SLC4A2: variants seen among roughly 807,000 people sequenced by gnomAD.
SLC4A2 encodes anion exchange protein 2.
SLC4A2 carries 36 observed loss-of-function variants against 115.0 expected under a neutral mutation model. The observed-to-expected ratio is 0.31, with a 90% CI of 0.24 to 0.41. The LOEUF (loss-of-function observed/expected upper bound fraction) is 0.41, where lower values mean the gene tolerates loss of function less well. SLC4A2 is among the 10% of genes least tolerant of loss of function. The pLI is 1.00. For missense variants in SLC4A2, 1,252 were observed against 1,705.6 expected, an observed-to-expected ratio of 0.73 and a Z score of 4.68; for synonymous variants, 708 against 708.3, an observed-to-expected ratio of 1.00 and a Z score of 0.01.
chr7:151,061,559 T>C, intron 1 of SLC4A2: 1 of 183,156 alleles, frequency 5.5e-6, no homozygotes. Flanking sequence ...GTTGTCTGCC[T>C]GGGCCTTCAC....
In SLC4A2 at chr7:151,075,265, T is replaced by C; in HGVS notation, c.3058T>C (p.Ser1020Pro). Residue 1020 changes from serine to proline, a missense_variant, in exon 20 of 23, where the codon TCC becomes CCC. By Grantham distance (74) the Ser-to-Pro change is moderately conservative. Transcript: ENST00000413384. ...CCCTCCCGCTCTCAGGCTCATCATC[T>C]CCAAGAAGGAGCGCATGCTGCAGAA... is the stretch of plus-strand genomic sequence containing the variant. ...METQITTLII[S>P]KKERMLQKGS... The C allele has an allele frequency of 6.2e-7, 1 of 1,612,970 alleles. No homozygotes were observed.
intron 5 of SLC4A2, 35 bp from the exon 6 acceptor site, chr7:151,066,482 G>A (rs1164754832): frequency 6.8e-7 from 1 of 1,465,192 alleles, no homozygotes; most frequent in South Asian, 1.4e-5. Flanking sequence ...GAGGAGGCCA[G>A]GTTTCTCGGG....
At chr7:151,070,385 G>GCTGA in intron 10 of SLC4A2, 39 bp downstream of exon 10, 1 of 1,610,644 alleles carries the variant, frequency 6.2e-7, no homozygotes, top group Non-Finnish European at 8.5e-7. Flanking sequence ...TGGCGGCAGG[G>GCTGA]CTGAGGAAGC....
At chr7:151,067,035 C>A in intron 7 of SLC4A2, 42 bp downstream of exon 7, 1 of 1,530,128 alleles carries the variant, frequency 6.5e-7, no homozygotes, top group Non-Finnish European at 8.8e-7. Flanking sequence ...ACTTCCCACA[C>A]GACCCTGCCC....
intron 16 of SLC4A2, among the ~76,000 whole-genome samples, chr7:151,073,127 T>A (rs147406271): frequency 0.023 from 3,500 of 152,220 alleles, 140 homozygotes; most frequent in African/African-American, 0.08. Context: ...AATTTTTAAA[T>A]TTTTTGAAGA....
Position 151,072,130 on chromosome 7 carries a change from G to A in SLC4A2, c.2529G>A (p.Leu843=), listed in dbSNP as rs765984859. 7 of 1,613,336 alleles carry A rather than the reference G, an allele frequency of 4.3e-6. No homozygotes were observed. In the African/African-American group the frequency reaches 9.3e-5, roughly 22 times the overall value. ...LIFIYETFYK[L]VKIFQEHPLH... The stretch of plus-strand genomic sequence containing the variant: ...TCATCTATGAGACCTTCTACAAGCT[G>A]GTGAAGGTGGGCAGGCCCCTGCCGA... Residue 843 remains leucine (L), a synonymous_variant, in exon 16 of 23, where the codon CTG becomes CTA. Coordinates refer to ENST00000413384, the MANE Select transcript of SLC4A2 (RefSeq NM_003040.4).
intron 5 of SLC4A2, among the ~76,000 whole-genome samples, chr7:151,065,813 G>C (rs1490737018): frequency 6.6e-6 from 1 of 152,208 alleles, no homozygotes; most frequent in Non-Finnish European, 1.5e-5. Context: ...TGGGGGCTAG[G>C]AGAGCCTGGT....
In SLC4A2 at chr7:151,071,989, C is replaced by T. The variant is rs769281662; in HGVS notation, c.2388C>T (p.Ile796=). Residue 796 remains isoleucine (I), a synonymous_variant, in exon 16 of 23, where the codon ATC becomes ATT. Transcript: ENST00000413384. This position sits in a 1 kb window ranked among gnomAD's most constrained non-coding sequence, Gnocchi z 5.5. Reference sequence around the variant, plus strand: ...AGTACCTGGTGGGCCGTGTGTGGATCGGCTTCTGGCTGGTGTTCCTGGCCC... The same window carrying T: ...AGTACCTGGTGGGCCGTGTGTGGATTGGCTTCTGGCTGGTGTTCCTGGCCC... ...HLEYLVGRVW[I]GFWLVFLALL... 16 of 1,613,850 alleles carry T rather than the reference C, an allele frequency of 9.9e-6. No homozygotes were observed. In the South Asian group the frequency reaches 1.1e-4, roughly 11 times the overall value.
intron 2 of SLC4A2, 112 bp from the exon 3 acceptor site, chr7:151,064,090 A>G: frequency 9.4e-7 from 1 of 1,066,628 alleles, no homozygotes; most frequent in South Asian, 1.5e-5. Context: ...ATTAGAGGAG[A>G]TAGCTGCTGG....
At position 151,075,653 on chromosome 7, in the gene SLC4A2, G is replaced by C. The variant is rs750770400; in HGVS notation, c.3349G>C (p.Val1117Leu). 17 of 1,606,908 alleles carry C rather than the reference G, an allele frequency of 1.1e-5. No individual in the cohort carries two copies. Among genetic ancestry groups the C allele is most frequent in the South Asian group, 1.1e-5 (1 of 91,060 alleles). ...GDLLRQIPLA[V>L]LFGIFLYMGV... ...TCTGCTCCGGCAGATCCCCCTGGCCGTGCTCTTTGGAATTTTCCTGTACAT... is the reference window on the plus strand; with the variant it reads ...TCTGCTCCGGCAGATCCCCCTGGCCCTGCTCTTTGGAATTTTCCTGTACAT... Residue 1117 changes from valine to leucine, a missense_variant, in exon 21 of 23, where the codon GTG (valine) becomes CTG (leucine). Physicochemically the swap from Val to Leu is conservative, Grantham distance 32. Coordinates refer to ENST00000413384, the MANE Select transcript of SLC4A2 (RefSeq NM_003040.4).
intron 2 of SLC4A2, among the ~76,000 whole-genome samples, chr7:151,063,916 A>G (rs1275387278): frequency 6.6e-6 from 1 of 151,962 alleles, no homozygotes; most frequent in Non-Finnish European, 1.5e-5. Flanking sequence ...TTTAGTAGAG[A>G]TGGGGTTTCA....
chr7:151,070,310 A>C lies in SLC4A2; in HGVS notation c.1413A>C (p.Gly471=), dbSNP rs553896093. The C allele has an allele frequency of 3.1e-6, 5 of 1,612,978 alleles. No individual in the cohort carries two copies. Among genetic ancestry groups the C allele is most frequent in the Admixed American group, 1.7e-5 (1 of 59,934 alleles). The change falls in exon 10 of 23, where the codon GGA becomes GGC. Residue 471 remains glycine (G), a synonymous_variant. Coordinates refer to ENST00000413384, the MANE Select transcript of SLC4A2 (RefSeq NM_003040.4). ...CCCACGTCACCGAGCCTCTCATGGGAGGTGTTCCTGAGACCCGGCTGGAGG... is the reference window on the plus strand; with the variant it reads ...CCCACGTCACCGAGCCTCTCATGGGCGGTGTTCCTGAGACCCGGCTGGAGG... ...SDPHVTEPLM[G]GVPETRLEVE... is the part of the protein sequence containing the mutation.
At position 151,064,584 on chromosome 7, in the gene SLC4A2, T is replaced by A. The variant is rs1338330335; in HGVS notation, c.276T>A (p.Asp92Glu). ...CACTGTCCACCCACCTGCCTCCGGA[T>A]GCACGCCGCCGCAAGACACCCCAGG... ...HHPLSTHLPP[D>E]ARRRKTPQGP... Residue 92 changes from aspartate (D) to glutamate (E), a missense_variant, in exon 4 of 23, where the codon GAT becomes GAA. Asp to Glu is a conservative substitution (Grantham distance 45). This residue lies in a region of SLC4A2 where 215 missense variants were observed against 205.2 expected (regional missense o/e 1.05). Coordinates refer to ENST00000413384, the MANE Select transcript of SLC4A2 (RefSeq NM_003040.4). The A allele has an allele frequency of 1.2e-6, 2 of 1,612,606 alleles. No homozygotes were observed. Among genetic ancestry groups the A allele is most frequent in the African/African-American group, 2.7e-5 (2 of 74,840 alleles).
Position 151,071,537 on chromosome 7 carries a change from G to C in SLC4A2, c.2123G>C (p.Cys708Ser). ...TTCCGAGATGCACTTGACCCTCAGTGCCTGGCCGCAGTCATCTTCATCTAC... is the reference window on the plus strand; with the variant it reads ...TTCCGAGATGCACTTGACCCTCAGTCCCTGGCCGCAGTCATCTTCATCTAC... ...SDFRDALDPQ[C>S]LAAVIFIYFA... Residue 708 changes from cysteine to serine, a missense_variant, in exon 14 of 23, where the codon TGC becomes TCC. Physicochemically the swap from Cys to Ser is moderately radical, Grantham distance 112. Transcript: ENST00000413384. The surrounding 1 kb of genome is among the most constrained non-coding windows in gnomAD (Gnocchi z 5.5). 1 of 1,613,998 alleles carries C rather than the reference G, an allele frequency of 6.2e-7. No homozygotes were observed. Among genetic ancestry groups the C allele is most frequent in the East Asian group, 2.2e-5 (1 of 44,876 alleles).
upstream of SLC4A2, chr7:151,058,924 A>G (rs1027379822): frequency 6.6e-6 from 1 of 152,240 alleles, no homozygotes; most frequent in African/African-American, 2.4e-5. Context: ...AACACGTGTT[A>G]ATTAACTCGT....
At position 151,066,944 on chromosome 7, in the gene SLC4A2, C is replaced by T; in HGVS notation, c.917C>T (p.Pro306Leu). The change falls in exon 7 of 23, where the codon CCT becomes CTT. Residue 306 changes from proline (P) to leucine (L), a missense_variant. Around this residue, in one of 14 missense-constraint regions of SLC4A2, gnomAD observed 48 missense variants for 44.4 expected, o/e 1.08. Transcript: ENST00000413384. Reference sequence around the variant, plus strand: ...CAGAGTGGCCGAGAAGGGCGGGAGCCTGGCCCCACACCTCGGGCCCGACCC... The same window carrying T: ...CAGAGTGGCCGAGAAGGGCGGGAGCTTGGCCCCACACCTCGGGCCCGACCC... ...STQSGREGRE[P>L]GPTPRARPRA... is the part of the protein sequence containing the mutation. 6 of 1,613,308 alleles carry T rather than the reference C, an allele frequency of 3.7e-6. No homozygotes were observed. Among genetic ancestry groups the T allele is most frequent in the Non-Finnish European group, 5.1e-6 (6 of 1,179,758 alleles).
Position 151,071,337 on chromosome 7 carries a change from G to A in SLC4A2, c.1975+40G>A. On this transcript the variant is annotated intron_variant, in intron 13 of 22. Coordinates refer to ENST00000413384, the MANE Select transcript of SLC4A2 (RefSeq NM_003040.4). The surrounding 1 kb of genome is among the most constrained non-coding windows in gnomAD (Gnocchi z 5.5). Reference sequence around the variant, plus strand: ...GGCTGGGGCCAGGGCTGCCTCGAGGGGGTGAGGTGGGCAAGAGGGGCTGGG... The same window carrying A: ...GGCTGGGGCCAGGGCTGCCTCGAGGAGGTGAGGTGGGCAAGAGGGGCTGGG... The A allele has an allele frequency of 4.5e-6, 7 of 1,545,872 alleles. No individual in the cohort carries two copies. The highest frequency in any genetic ancestry group is 1.4e-5 in the African/African-American group (1 of 73,574).
intron 16 of SLC4A2, 79 bp downstream of exon 16, chr7:151,072,215 T>C (rs974695530): frequency 1.5e-6 from 2 of 1,319,916 alleles, no homozygotes; most frequent in African/African-American, 1.5e-5. Flanking sequence ...TCCCATCCTC[T>C]GGATTTGAGG....
chr7:151,061,987 C>A lies in SLC4A2; in HGVS notation c.-1C>A, dbSNP rs774240172. ...ACAGCGAAAAGGGCTAAGATTCGGC[C>A]ATGAGCAGCGCCCCTCGGCGCCCCG... is the stretch of plus-strand genomic sequence containing the variant. On this transcript the variant is annotated 5_prime_UTR_variant, in exon 2 of 23. Coordinates refer to ENST00000413384, the MANE Select transcript of SLC4A2 (RefSeq NM_003040.4). The A allele has an allele frequency of 2.5e-6, 4 of 1,610,120 alleles. No individual in the cohort carries two copies. The East Asian group carries it at 8.9e-5, about 36-fold the overall frequency.
Sources: gnomAD v4.1 joint callset for allele counts (sites outside exome capture counted in the v4.1 genomes callset) on GRCh38, gnomAD v4.1.1 for gene constraint, gnomAD v4.1.1 regional missense constraint, Gnocchi (gnomAD v3.1) non-coding constraint, MANE v1.5 for transcripts, NCBI Gene and HGNC (gene_info 2026-07-23, HGNC 2026-07-21) for gene names.